GSG1L: variants seen among roughly 807,000 people sequenced by gnomAD.
GSG1L encodes the protein germ cell-specific gene 1-like protein.
GSG1L carries 24 observed loss-of-function variants against 42.1 expected under a neutral mutation model. That is an observed-to-expected ratio of 0.57 (90% confidence interval 0.41 to 0.80). The LOEUF (loss-of-function observed/expected upper bound fraction) is 0.80, where lower values mean the gene tolerates loss of function less well. Among genes scored for constraint, GSG1L ranks in the 30% least tolerant of loss-of-function variants. GSG1L has a pLI of 0.00. For missense variants in GSG1L, 445 were observed against 472.2 expected (o/e 0.94, Z 0.53); for synonymous variants, 215 against 203.5 (o/e 1.06, Z -0.48).
intron 2 of GSG1L, among the ~76,000 whole-genome samples, chr16:27,944,393 G>A (rs1038322577): frequency 2.0e-5 from 3 of 151,954 alleles, no homozygotes; most frequent in Admixed American, 6.6e-5. Context: ...AGGCCGAGGC[G>A]GGAAGATCAC....
intron 3 of GSG1L, among the ~76,000 whole-genome samples, chr16:27,876,775 C>T (rs1268381735): frequency 6.6e-6 from 1 of 152,206 alleles, no homozygotes. Context: ...GGAGTGTGCT[C>T]TTCAACTCGG....
chr16:27,978,690 CAA>C (rs11409403), intron 1 of GSG1L, among the ~76,000 whole-genome samples: 1,339 of 90,056 alleles, frequency 0.015, 15 homozygotes, highest in African/African-American at 0.054. Context: ...GACTCCATCT[CAA>C]AAAAAAAAAA....
At chr16:27,895,130 A>G (rs978818681) in intron 2 of GSG1L, among the ~76,000 whole-genome samples, 3 of 152,204 alleles carry the variant, frequency 2.0e-5, no homozygotes, top group African/African-American at 7.2e-5. Context: ...CAGCCCACAG[A>G]AATGTCTTGT....
intron 1 of GSG1L, among the ~76,000 whole-genome samples, chr16:28,047,067 T>C (rs1467545562): frequency 2.0e-5 from 3 of 152,128 alleles, no homozygotes; most frequent in African/African-American, 2.4e-5. Context: ...GACCAGCCCA[T>C]AGACCATCAT....
intron 1 of GSG1L, among the ~76,000 whole-genome samples, chr16:28,006,501 GT>G (rs1446951296): frequency 6.6e-6 from 1 of 151,902 alleles, no homozygotes; most frequent in Non-Finnish European, 1.5e-5. Flanking sequence ...TAGAGATGGG[GT>G]TTCACCATGT....
intron 2 of GSG1L, among the ~76,000 whole-genome samples, chr16:27,901,655 A>G (rs534593983): frequency 6.6e-6 from 1 of 152,366 alleles, no homozygotes; most frequent in African/African-American, 2.4e-5. Flanking sequence ...CAAGTGCCCC[A>G]GGTCGTTCAG....
intron 6 of GSG1L, among the ~76,000 whole-genome samples, chr16:27,797,842 A>G (rs111588184): frequency 6.8e-4 from 93 of 137,620 alleles, no homozygotes; most frequent in African/African-American, 1.4e-3. Context: ...AAAAAAAAAA[A>G]AGAGAGAGAG....
intron 2 of GSG1L, among the ~76,000 whole-genome samples, chr16:27,900,895 T>C (rs1036357451): frequency 2.4e-4 from 36 of 148,810 alleles, no homozygotes; most frequent in African/African-American, 7.7e-4. Context: ...TGGGAGGCCA[T>C]GGTGGGTGGA....
At chr16:28,013,255 A>G (rs991405411) in intron 1 of GSG1L, among the ~76,000 whole-genome samples, 8 of 151,784 alleles carry the variant, frequency 5.3e-5, no homozygotes, top group Non-Finnish European at 1.2e-4. Flanking sequence ...GAAATATAAT[A>G]CACATGTGGA....
At chr16:27,914,748 C>T (rs1567516799) in intron 2 of GSG1L, among the ~76,000 whole-genome samples, 1 of 152,004 alleles carries the variant, frequency 6.6e-6, no homozygotes, top group Non-Finnish European at 1.5e-5. Context: ...AAGTTGCATT[C>T]CCGATGCTAG....
intron 5 of GSG1L, among the ~76,000 whole-genome samples, chr16:27,827,763 T>TC (rs2140964819): frequency 6.6e-6 from 1 of 152,150 alleles, no homozygotes; most frequent in Admixed American, 6.5e-5. Context: ...TGTCTGTCCT[T>TC]CCACTCATAC....
chr16:28,009,383 C>A (rs1008738802), intron 1 of GSG1L, among the ~76,000 whole-genome samples: 1 of 152,150 alleles, frequency 6.6e-6, no homozygotes. Flanking sequence ...CCTGCATGCC[C>A]TTACCCCAGA....
At chr16:27,943,904 G>A (rs935393945) in intron 2 of GSG1L, among the ~76,000 whole-genome samples, 5 of 152,056 alleles carry the variant, frequency 3.3e-5, no homozygotes, top group Non-Finnish European at 1.5e-5. Context: ...GGGACAGACA[G>A]TAAATATTTT....
At chr16:27,864,212 T>C (rs1258709860) in intron 3 of GSG1L, among the ~76,000 whole-genome samples, 1 of 152,246 alleles carries the variant, frequency 6.6e-6, no homozygotes, top group African/African-American at 2.4e-5. Context: ...CCAATCATTG[T>C]GGGCAAGGAG....
chr16:27,940,088 A>C (rs1471492290), intron 2 of GSG1L, among the ~76,000 whole-genome samples: 1 of 152,208 alleles, frequency 6.6e-6, no homozygotes, highest in African/African-American at 2.4e-5. Context: ...TGCAGCCAAA[A>C]AACACATGAA....
chr16:27,879,450 T>C (rs777045398), intron 3 of GSG1L, among the ~76,000 whole-genome samples: 3 of 151,846 alleles, frequency 2.0e-5, no homozygotes, highest in Non-Finnish European at 2.9e-5. Context: ...CACAAAAAAA[T>C]TAAAAATTAA....
chr16:27,856,417 G>T (rs954196665), intron 3 of GSG1L, among the ~76,000 whole-genome samples: 1 of 152,094 alleles, frequency 6.6e-6, no homozygotes, highest in Non-Finnish European at 1.5e-5. Flanking sequence ...GGGCTCAAGC[G>T]AGCCCCCCAC....
At chr16:28,034,806 C>G (rs960244243) in intron 1 of GSG1L, among the ~76,000 whole-genome samples, 3 of 152,210 alleles carry the variant, frequency 2.0e-5, no homozygotes, top group Non-Finnish European at 4.4e-5. Flanking sequence ...CGCCCCCACT[C>G]CAGTCATGAC....
At chr16:27,960,664 G>A (rs1432453146) in intron 2 of GSG1L, among the ~76,000 whole-genome samples, 1 of 152,160 alleles carries the variant, frequency 6.6e-6, no homozygotes, top group Non-Finnish European at 1.5e-5. Context: ...ATGGGTCTGA[G>A]GGTGCCACGT....
Sources: gnomAD v4.1 joint callset for allele counts (sites outside exome capture counted in the v4.1 genomes callset) on GRCh38, gnomAD v4.1.1 for gene constraint, MANE v1.5 for transcripts, NCBI Gene and HGNC (gene_info 2026-07-23, HGNC 2026-07-21) for gene names.